The following CALD1 variants were observed in gnomAD, a reference collection of about 807,000 sequenced individuals.
CALD1 encodes caldesmon.
In CALD1, 33 loss-of-function variants were observed where a neutral mutation model predicts 99.9. That is an observed-to-expected ratio of 0.33 (90% CI 0.25 to 0.44). The LOEUF is 0.44. Among genes scored for constraint, CALD1 ranks in the 20% least tolerant of loss-of-function variants. CALD1 has a pLI of 1.00. For synonymous variants in CALD1, 310 were observed against 325.0 expected (o/e 0.95, Z 0.50); for missense variants, 861 against 962.1 (o/e 0.89, Z 1.39).
chr7:134,880,814 G>A (rs912516377), intron 3 of CALD1, among the ~76,000 whole-genome samples: 2 of 152,170 alleles, frequency 1.3e-5, no homozygotes, highest in Non-Finnish European at 2.9e-5. Flanking sequence ...ATCTAAGCAG[G>A]AGAGTGTATT....
Position 134,958,070 on chromosome 7 carries a change from T to C in CALD1, c.1937T>C (p.Ile646Thr). 1.2e-6 allele frequency: 2 copies of C among 1,602,938 alleles called. No homozygotes were observed. The highest frequency in any genetic ancestry group is 1.1e-5 in the South Asian group (1 of 90,796). ...TTTATTTTCTTTTGTAATTCCTAGA[T>C]AGAAGAGCGAGCAGAATTTTTGAAT... The part of the protein sequence containing the change: ...CFTPKGSSLK[I>T]EERAEFLNKS... The change falls in exon 10 of 15, where the codon ATA becomes ACA. Residue 646 changes from isoleucine to threonine, a missense_variant and splice_region_variant. Ile to Thr is a moderately conservative substitution (Grantham distance 89). Transcript: ENST00000361675.
chr7:134,772,981 C>T (rs886689834), intron 1 of CALD1, among the ~76,000 whole-genome samples: 3 of 152,332 alleles, frequency 2.0e-5, no homozygotes, highest in Non-Finnish European at 4.4e-5. Flanking sequence ...AATTTTCACT[C>T]CAAAGTATTA....
chr7:134,817,306 TTTTAA>T (rs1436826530), intron 1 of CALD1, among the ~76,000 whole-genome samples: 2 of 152,172 alleles, frequency 1.3e-5, no homozygotes, highest in Non-Finnish European at 2.9e-5. Context: ...CTGACATTTA[TTTTAA>T]TTTTTTTCAT....
chr7:134,858,281 T>G (rs1308067459), intron 2 of CALD1, among the ~76,000 whole-genome samples: 1 of 152,118 alleles, frequency 6.6e-6, no homozygotes, highest in Non-Finnish European at 1.5e-5. Context: ...TGTCTCAGCT[T>G]CTTTTGTATT....
chr7:134,956,040 T>C (rs1276505463), intron 9 of CALD1, among the ~76,000 whole-genome samples: 1 of 152,180 alleles, frequency 6.6e-6, no homozygotes, highest in African/African-American at 2.4e-5. Flanking sequence ...AGTTTATAAT[T>C]AAAATCAGAA....
intron 2 of CALD1, among the ~76,000 whole-genome samples, chr7:134,864,502 GA>G (rs1800715298): frequency 6.6e-6 from 1 of 151,584 alleles, no homozygotes; most frequent in African/African-American, 2.4e-5. Context: ...GAGTTCAAGT[GA>G]TTCTCCTGCC....
At chr7:134,952,338 G>T (rs1392563672) in intron 9 of CALD1, among the ~76,000 whole-genome samples, 1 of 152,008 alleles carries the variant, frequency 6.6e-6, no homozygotes, top group African/African-American at 2.4e-5. Flanking sequence ...AGGTCTGGAT[G>T]GTTAATTATG....
chr7:134,873,558 C>T (rs1801205543), intron 3 of CALD1, among the ~76,000 whole-genome samples: 1 of 152,220 alleles, frequency 6.6e-6, no homozygotes, highest in Non-Finnish European at 1.5e-5. Flanking sequence ...CGGACCGCCG[C>T]CGGCCCCAGA....
intron 1 of CALD1, among the ~76,000 whole-genome samples, chr7:134,812,583 TAA>T (rs55688126): frequency 0.2 from 29,087 of 143,650 alleles, 2,906 homozygotes; most frequent in East Asian, 0.29. Flanking sequence ...AAAGAATAGT[TAA>T]AAAAAAAAAA....
Position 134,846,136 on chromosome 7 carries a change from A to C in CALD1, c.-42+2165A>C, listed in dbSNP as rs1799842159. ...ATCAGAGCTGATCAGAATGGACAGG[A>C]GGGGAGGCCAGGATGAGAATCCTTA... is the stretch of plus-strand genomic sequence containing the variant. On this transcript the variant is annotated intron_variant, in intron 2 of 14. Coordinates refer to ENST00000361675, the MANE Select transcript of CALD1 (RefSeq NM_033138.4). Among the ~76,000 whole-genome samples the C allele has an allele frequency of 3.3e-5, 5 of 152,284 alleles. No individual in the cohort carries two copies. In the South Asian group the frequency reaches 1.0e-3, roughly 32 times the overall value.
In CALD1 at chr7:134,867,720, C is replaced by A. The variant is rs749800812; in HGVS notation, c.-14C>A. 5.0e-6 allele frequency: 8 copies of A among 1,588,416 alleles called. No individual in the cohort carries two copies. The highest frequency in any genetic ancestry group is 4.0e-5 in the African/African-American group (3 of 74,324). ...CCAGACATCATCTGGTCTCCCTGAA[C>A]CTGAAATCACACCATGGATGATTTT... On this transcript the variant is annotated 5_prime_UTR_variant, in exon 3 of 15. Coordinates refer to ENST00000361675, the MANE Select transcript of CALD1 (RefSeq NM_033138.4).
intron 5 of CALD1, 139 bp from the exon 6 acceptor site, chr7:134,935,549 T>C: frequency 1.5e-6 from 2 of 1,363,938 alleles, no homozygotes; most frequent in Non-Finnish European, 9.9e-7. Flanking sequence ...TTAGAACCAC[T>C]GTGCTGTGAG....
chr7:134,716,099 A>T, the CALD1 span, among the ~76,000 whole-genome samples: 1 of 152,208 alleles, frequency 6.6e-6, no homozygotes, highest in Admixed American at 6.5e-5. Flanking sequence ...GAATAAAAAT[A>T]AGGTTATTGG....
intron 2 of CALD1, among the ~76,000 whole-genome samples, chr7:134,851,592 G>A (rs1179519735): frequency 1.3e-5 from 2 of 152,160 alleles, no homozygotes; most frequent in African/African-American, 4.8e-5. Flanking sequence ...AAATGAACGT[G>A]TGTTTATCAC....
chr7:134,751,692 T>A (rs1368380674), intron 1 of CALD1, among the ~76,000 whole-genome samples: 5 of 152,160 alleles, frequency 3.3e-5, no homozygotes, highest in Non-Finnish European at 5.9e-5. Flanking sequence ...GCTTATCATC[T>A]AGGGCTGGGC....
At chr7:134,821,471 C>G (rs1216287923) in intron 1 of CALD1, among the ~76,000 whole-genome samples, 2 of 151,816 alleles carry the variant, frequency 1.3e-5, no homozygotes, top group African/African-American at 4.8e-5. Flanking sequence ...TAGAGATATC[C>G]AGAATTTTGT....
intron 1 of CALD1, among the ~76,000 whole-genome samples, chr7:134,788,548 A>G (rs1322735248): frequency 1.3e-5 from 2 of 152,216 alleles, no homozygotes; most frequent in African/African-American, 4.8e-5. Flanking sequence ...TTCATAATGT[A>G]TGCTTATGAT....
upstream of CALD1, among the ~76,000 whole-genome samples, chr7:134,743,381 T>G (rs1426647211): frequency 1.5e-4 from 23 of 152,218 alleles, no homozygotes; most frequent in Non-Finnish European, 2.1e-4. Context: ...TTACTCCAAA[T>G]GCTTTATATT....
At chr7:134,897,451 A>C (rs1802658836) in intron 3 of CALD1, among the ~76,000 whole-genome samples, 1 of 151,208 alleles carries the variant, frequency 6.6e-6, no homozygotes, top group Admixed American at 6.6e-5. Flanking sequence ...TGCTGTGTAC[A>C]AAGTCATCTG....
Sources: gnomAD v4.1 joint callset for allele counts (sites outside exome capture counted in the v4.1 genomes callset) on GRCh38, gnomAD v4.1.1 for gene constraint, MANE v1.5 for transcripts, NCBI Gene and HGNC (gene_info 2026-07-23, HGNC 2026-07-21) for gene names.